Variants in MCUR1 observed in about 807,000 individuals in gnomAD.
MCUR1 encodes the protein mitochondrial calcium uniporter regulator 1.
Under a neutral mutation model 42.0 loss-of-function variants are expected in MCUR1, and 37 were observed. That is an observed-to-expected ratio of 0.88 (90% CI 0.68 to 1.16). The LOEUF (loss-of-function observed/expected upper bound fraction) is 1.16, where lower values mean the gene tolerates loss of function less well. Among genes scored for constraint, MCUR1 ranks in the 50% most tolerant of loss-of-function variants. The probability of loss-of-function intolerance (pLI) is 0.00; values close to 1 mark genes in which losing one functional copy is unlikely to be tolerated. For synonymous variants in MCUR1, 229 were observed against 196.2 expected (o/e 1.17, Z -1.40); for missense variants, 469 against 468.4 (o/e 1.00, Z -0.01).
At chr6:13,813,389 T>C (rs914894722) in intron 1 of MCUR1, among the ~76,000 whole-genome samples, 4 of 152,266 alleles carry the variant, frequency 2.6e-5, no homozygotes, top group South Asian at 2.1e-4. Context: ...GAATTACGAA[T>C]ATATAAAAAT....
intron 1 of MCUR1, among the ~76,000 whole-genome samples, chr6:13,808,151 G>A (rs1346593268): frequency 6.6e-6 from 1 of 152,116 alleles, no homozygotes; most frequent in Non-Finnish European, 1.5e-5. Flanking sequence ...CGACACGTGT[G>A]CTGTTCTGCC....
At chr6:13,808,953 T>C (rs1324734869) in intron 1 of MCUR1, among the ~76,000 whole-genome samples, 1 of 152,310 alleles carries the variant, frequency 6.6e-6, no homozygotes, top group East Asian at 1.9e-4. Flanking sequence ...CTCTTGACGT[T>C]TTTTTAAGAC....
Position 13,807,060 on chromosome 6 carries a change from C to A in MCUR1, c.416-16G>T. 6.3e-7 allele frequency: 1 copy of A among 1,591,146 alleles called. No homozygotes were observed. The highest frequency in any genetic ancestry group is 8.6e-7 in the Non-Finnish European group (1 of 1,166,846). On this transcript the variant is annotated splice_polypyrimidine_tract_variant and intron_variant, in intron 1 of 8. Transcript: ENST00000379170. Reference sequence around the variant, plus strand: ...AAGCTTAGCTCTAGGGTGGAAAGGACAGTAAGCTCAAAACAGACTTCATGC... The same window carrying A: ...AAGCTTAGCTCTAGGGTGGAAAGGAAAGTAAGCTCAAAACAGACTTCATGC...
At chr6:13,800,935 C>T (rs1759975219) in intron 4 of MCUR1, among the ~76,000 whole-genome samples, 1 of 152,158 alleles carries the variant, frequency 6.6e-6, no homozygotes, top group South Asian at 2.1e-4. Context: ...AATTCTAATA[C>T]ACATTACAAT....
chr6:13,812,065 A>C (rs1257944734), intron 1 of MCUR1, among the ~76,000 whole-genome samples: 1 of 152,150 alleles, frequency 6.6e-6, no homozygotes, highest in Non-Finnish European at 1.5e-5. Flanking sequence ...CAGACTCCTC[A>C]CTGATCATAA....
Position 13,800,212 on chromosome 6 carries a change from C to A in MCUR1, c.783+129G>T, listed in dbSNP as rs116292484. 5.5e-3 allele frequency: 3,461 copies of A among 632,052 alleles called. 103 individuals carry two copies. In the African/African-American group the frequency reaches 0.06, roughly 11 times the overall value. 39.2% of individuals were successfully genotyped at this position (632,052 alleles called of 1,614,324 possible). A position where few individuals can be genotyped will look rare whatever the true frequency, so the allele number is the denominator to read the frequency against. Reference sequence around the variant, plus strand: ...TCTTAGCTAAATCTTCCAATGTGTACTTTTGAGGCATATTACACAAACATT... The same window carrying A: ...TCTTAGCTAAATCTTCCAATGTGTAATTTTGAGGCATATTACACAAACATT... On this transcript the variant is annotated intron_variant, in intron 5 of 8. Coordinates refer to ENST00000379170, the MANE Select transcript of MCUR1 (RefSeq NM_001031713.4).
Position 13,814,029 on chromosome 6 carries a change from AC to A in MCUR1, c.400del (p.Val134PhefsTer7). 1.6e-6 allele frequency: 2 copies of A among 1,235,660 alleles called. No individual in the cohort carries two copies. Among genetic ancestry groups the A allele is most frequent in the Non-Finnish European group, 2.0e-6 (2 of 990,290 alleles). The allele number at this position is 1,235,660 out of a possible 1,614,324, so 76.5% of individuals were successfully genotyped here. ...CCGGGCCTCACCTCTCCTGCAGGAA[AC>A]GAGTGCAGGCGCCGGGCCGTGGTAC... ...PQYHGPAPAL[V>X]SCRRELSLSA... On this transcript the variant is annotated frameshift_variant, in exon 1 of 9. Coordinates refer to ENST00000379170, the MANE Select transcript of MCUR1 (RefSeq NM_001031713.4). LOFTEE classifies it high-confidence loss of function.
At chr6:13,806,239 G>A (rs1760109120) in intron 2 of MCUR1, among the ~76,000 whole-genome samples, 1 of 151,112 alleles carries the variant, frequency 6.6e-6, no homozygotes, top group African/African-American at 2.4e-5. Context: ...GTGACAGGGC[G>A]AGACTCCATC....
intron 1 of MCUR1, among the ~76,000 whole-genome samples, chr6:13,813,043 A>ATGCGC (rs1561738191): frequency 6.6e-6 from 1 of 152,180 alleles, no homozygotes; most frequent in Non-Finnish European, 1.5e-5. Flanking sequence ...CTACATTTAG[A>ATGCGC]TGCGCAAATA....
chr6:13,807,581 T>A (rs1184138689), intron 1 of MCUR1, among the ~76,000 whole-genome samples: 1 of 152,244 alleles, frequency 6.6e-6, no homozygotes, highest in African/African-American at 2.4e-5. Flanking sequence ...GCTTGAGCTG[T>A]TTCTACTTCT....
At chr6:13,800,529 C>T in intron 4 of MCUR1, 147 bp from the exon 5 acceptor site, 1 of 561,982 alleles carries the variant, frequency 1.8e-6, no homozygotes, top group Non-Finnish European at 3.2e-6. Flanking sequence ...CATTACAACA[C>T]ACGTATCTTG....
rs1237316169 is a variant in MCUR1, at chr6:13,788,577, T to G, written c.*2232A>C. 6.6e-6 allele frequency: 1 copy of G among 152,254 alleles called. No homozygotes were observed. Among genetic ancestry groups the G allele is most frequent in the African/African-American group, 2.4e-5 (1 of 41,470 alleles). 9.4% of individuals were successfully genotyped at this position (152,254 alleles called of 1,614,324 possible). A position where few individuals can be genotyped will look rare whatever the true frequency, so the allele number is the denominator to read the frequency against. Reference sequence around the variant, plus strand: ...AGGATACAAGGACACTTCACTGTTTTTAACCCACACAAGGTTAGGTAATGT... The same window carrying G: ...AGGATACAAGGACACTTCACTGTTTGTAACCCACACAAGGTTAGGTAATGT... On this transcript the variant is annotated 3_prime_UTR_variant, in exon 9 of 9. Transcript: ENST00000379170.
chr6:13,793,213 C>G (rs188150551), intron 7 of MCUR1, among the ~76,000 whole-genome samples: 1 of 151,140 alleles, frequency 6.6e-6, no homozygotes, highest in Non-Finnish European at 1.5e-5. Context: ...TCTTCCATTA[C>G]GATAACCAAA....
intron 8 of MCUR1, 69 bp downstream of exon 8, chr6:13,791,809 C>T (rs1759733624): frequency 3.0e-6 from 3 of 1,003,526 alleles, no homozygotes; most frequent in African/African-American, 1.6e-5. Flanking sequence ...AATGCAGTAT[C>T]TGTCAACGAC....
chr6:13,807,922 A>G lies in MCUR1; in HGVS notation c.416-878T>C, dbSNP rs191771246. On this transcript the variant is annotated intron_variant, in intron 1 of 8. Transcript: ENST00000379170. ...TTATGGGCTTGTTGGCCATTTGGAT[A>G]TCTTCTTTGGAGAAATGTGTATTCA... 3.3e-5 allele frequency among the ~76,000 whole-genome samples: 5 copies of G among 152,296 alleles called. No individual in the cohort carries two copies. The East Asian group carries it at 9.6e-4, about 29-fold the overall frequency.
chr6:13,802,445 T>A, intron 2 of MCUR1, 99 bp from the exon 3 acceptor site: 1 of 904,002 alleles, frequency 1.1e-6, no homozygotes. Context: ...GGAGGAAGAG[T>A]ACAGCACAGT....
Position 13,814,516 on chromosome 6 carries a change from G to A in MCUR1, c.-87C>T. The A allele has an allele frequency of 7.6e-7, 1 of 1,317,148 alleles. No individual in the cohort carries two copies. 81.6% of individuals were successfully genotyped at this position (1,317,148 alleles called of 1,614,324 possible). On this transcript the variant is annotated 5_prime_UTR_variant, in exon 1 of 9. Coordinates refer to ENST00000379170, the MANE Select transcript of MCUR1 (RefSeq NM_001031713.4). ...CGCGGTCCAGGCCCAGAGTCCGACAGCGGGAGCGAGCGTGGGCCACAGCGC... is the reference window on the plus strand; with the variant it reads ...CGCGGTCCAGGCCCAGAGTCCGACAACGGGAGCGAGCGTGGGCCACAGCGC...
chr6:13,791,761 A>G, intron 8 of MCUR1, 117 bp downstream of exon 8: 1 of 657,470 alleles, frequency 1.5e-6, no homozygotes, highest in Non-Finnish European at 2.5e-6. Flanking sequence ...CCAATTTCAG[A>G]GATGTTAAAA....
At chr6:13,794,741 C>T (rs1759815667) in intron 6 of MCUR1, among the ~76,000 whole-genome samples, 2 of 151,202 alleles carry the variant, frequency 1.3e-5, no homozygotes. Flanking sequence ...ACCTCTGCCT[C>T]CCAGGTTCAA....
Sources: gnomAD v4.1 joint callset for allele counts (sites outside exome capture counted in the v4.1 genomes callset) on GRCh38, gnomAD v4.1.1 for gene constraint, MANE v1.5 for transcripts, NCBI Gene and HGNC (gene_info 2026-07-23, HGNC 2026-07-21) for gene names.